Variants in SEMA3A observed in about 807,000 individuals in gnomAD.
SEMA3A encodes semaphorin 3A, also known as semaphorin-3A.
A neutral mutation model predicts 97.9 loss-of-function variants in SEMA3A; 29 were observed. The observed-to-expected ratio is 0.30, with a 90% CI of 0.22 to 0.40. SEMA3A has a LOEUF of 0.40. Ranked by LOEUF, SEMA3A falls within the 10% of genes least tolerant of loss-of-function variation. SEMA3A has a pLI of 1.00. For synonymous variants in SEMA3A, 321 were observed against 323.7 expected (o/e 0.99, Z 0.09); for missense variants, 763 against 951.3 (o/e 0.80, Z 2.60).
At chr7:84,003,150 CATG>C (rs534786825) in intron 11 of SEMA3A, among the ~76,000 whole-genome samples, 31 of 152,032 alleles carry the variant, frequency 2.0e-4, no homozygotes, top group Admixed American at 5.2e-4. Flanking sequence ...GGAGAACCAA[CATG>C]ATATGTTATA....
chr7:84,277,155 T>A (rs936602710), intron 3 of SEMA3A, among the ~76,000 whole-genome samples: 1 of 152,122 alleles, frequency 6.6e-6, no homozygotes, highest in Non-Finnish European at 1.5e-5. Flanking sequence ...GATGATGAAG[T>A]CTTTTTTGAA....
chr7:84,134,510 G>A (rs1337273423), intron 2 of SEMA3A, among the ~76,000 whole-genome samples: 1 of 152,144 alleles, frequency 6.6e-6, no homozygotes, highest in Non-Finnish European at 1.5e-5. Flanking sequence ...TTGCTACGAT[G>A]GTTCAAGTAT....
At chr7:84,469,111 C>A (rs1015762733) in intron 1 of SEMA3A, among the ~76,000 whole-genome samples, 1 of 151,972 alleles carries the variant, frequency 6.6e-6, no homozygotes, top group Non-Finnish European at 1.5e-5. Context: ...AAGTACTGTC[C>A]ATGTTTTACG....
At chr7:83,965,655 TATATATA>T (rs1562943572) in intron 15 of SEMA3A, among the ~76,000 whole-genome samples, 11 of 12,966 alleles carry the variant, frequency 8.5e-4, no homozygotes, top group East Asian at 3.0e-3. Flanking sequence ...TATATATATA[TATATATA>T]TATATTTTTT....
chr7:84,360,297 C>A (rs1367356582), intron 2 of SEMA3A, among the ~76,000 whole-genome samples: 1 of 151,942 alleles, frequency 6.6e-6, no homozygotes, highest in African/African-American at 2.4e-5. Context: ...TTTCCCTCTA[C>A]ATACACACTG....
intron 1 of SEMA3A, among the ~76,000 whole-genome samples, chr7:84,424,552 A>G (rs6974819): frequency 0.066 from 4,008 of 60,606 alleles, 93 homozygotes; most frequent in African/African-American, 0.07. Flanking sequence ...ATTAATATAT[A>G]TTATATATAA....
intron 1 of SEMA3A, among the ~76,000 whole-genome samples, chr7:84,426,908 G>C (rs559912999): frequency 6.6e-6 from 1 of 152,070 alleles, no homozygotes; most frequent in South Asian, 2.1e-4. Context: ...AAAATATTTT[G>C]TAACACAGTA....
intron 3 of SEMA3A, among the ~76,000 whole-genome samples, chr7:84,295,012 T>G (rs1024745506): frequency 3.3e-5 from 5 of 152,096 alleles, no homozygotes; most frequent in Non-Finnish European, 7.4e-5. Context: ...GCAAAAAGTT[T>G]TTAATGTTAA....
At chr7:84,324,624 T>C (rs1216161965) in intron 2 of SEMA3A, among the ~76,000 whole-genome samples, 3 of 152,206 alleles carry the variant, frequency 2.0e-5, no homozygotes, top group Admixed American at 1.3e-4. Context: ...TAACAAAATA[T>C]GTAATTTTTT....
intron 1 of SEMA3A, among the ~76,000 whole-genome samples, chr7:84,428,746 C>T (rs571443256): frequency 5.3e-5 from 8 of 151,956 alleles, no homozygotes; most frequent in South Asian, 2.1e-4. Context: ...AAAAGAAAAA[C>T]ATAATAAAAC....
intron 2 of SEMA3A, among the ~76,000 whole-genome samples, chr7:84,342,271 G>T (rs1466529286): frequency 1.3e-5 from 2 of 152,236 alleles, no homozygotes; most frequent in East Asian, 3.9e-4. Flanking sequence ...CCGAGCTCAG[G>T]TGATCTGCCT....
At chr7:84,440,306 T>A (rs921789834) in intron 1 of SEMA3A, among the ~76,000 whole-genome samples, 3 of 152,184 alleles carry the variant, frequency 2.0e-5, no homozygotes, top group African/African-American at 7.2e-5. Context: ...TAGCTACCAA[T>A]CTTCCACCCC....
chr7:84,087,845 C>G (rs1794429064), intron 4 of SEMA3A, among the ~76,000 whole-genome samples: 1 of 151,972 alleles, frequency 6.6e-6, no homozygotes, highest in Admixed American at 6.6e-5. Context: ...TATTGTTGGC[C>G]TTCCTCTATG....
At chr7:84,457,899 A>G (rs1805725214) in intron 1 of SEMA3A, among the ~76,000 whole-genome samples, 1 of 152,008 alleles carries the variant, frequency 6.6e-6, no homozygotes, top group Non-Finnish European at 1.5e-5. Flanking sequence ...ATGTATGGGA[A>G]ATTAACAAAC....
chr7:84,304,903 T>C (rs947334309), intron 3 of SEMA3A, among the ~76,000 whole-genome samples: 1 of 152,072 alleles, frequency 6.6e-6, no homozygotes, highest in Admixed American at 6.6e-5. Context: ...GGAATTTTAT[T>C]TACTTTCCAC....
At chr7:84,310,032 C>A (rs939969794) in intron 2 of SEMA3A, among the ~76,000 whole-genome samples, 3 of 151,996 alleles carry the variant, frequency 2.0e-5, no homozygotes, top group African/African-American at 7.2e-5. Flanking sequence ...TTGATCAAAT[C>A]AAAATATTGT....
At chr7:84,403,708 C>G (rs141191330) in intron 1 of SEMA3A, among the ~76,000 whole-genome samples, 1 of 152,096 alleles carries the variant, frequency 6.6e-6, no homozygotes, top group African/African-American at 2.4e-5. Context: ...TCCAGAGGAA[C>G]GATCAGGCAG....
At chr7:84,410,338 A>T (rs1437679731) in intron 1 of SEMA3A, among the ~76,000 whole-genome samples, 1 of 152,110 alleles carries the variant, frequency 6.6e-6, no homozygotes, top group East Asian at 1.9e-4. Flanking sequence ...ATTTTCTTCT[A>T]TAATTTTCAA....
intron 15 of SEMA3A, among the ~76,000 whole-genome samples, chr7:83,966,716 T>C (rs1392875226): frequency 3.7e-5 from 2 of 53,760 alleles, no homozygotes; most frequent in Non-Finnish European, 6.3e-5. Flanking sequence ...AAATTTTTTT[T>C]CTTTTTTTTT....
Sources: allele counts gnomAD v4.1 joint callset (sites outside exome capture counted in the v4.1 genomes callset), GRCh38; gene constraint gnomAD v4.1.1; transcripts MANE v1.5; gene names NCBI Gene and HGNC (gene_info 2026-07-23, HGNC 2026-07-21).